NRXN3: variants seen among roughly 807,000 people sequenced by gnomAD.
NRXN3 encodes neurexin 3.
In NRXN3, 32 loss-of-function variants were observed where a neutral mutation model predicts 137.6. That is an observed-to-expected ratio of 0.23 (90% confidence interval 0.18 to 0.31). The LOEUF (loss-of-function observed/expected upper bound fraction) is 0.31. Among genes scored for constraint, NRXN3 ranks in the 10% least tolerant of loss-of-function variants. NRXN3 has a pLI of 1.00. For missense variants in NRXN3, 1,574 were observed against 2,062.5 expected (o/e 0.76, Z 4.59); for synonymous variants, 798 against 784.5 (o/e 1.02, Z -0.29).
intron 16 of NRXN3, among the ~76,000 whole-genome samples, chr14:79,482,067 G>A (rs985614799): frequency 5.3e-5 from 8 of 152,264 alleles, no homozygotes; most frequent in Non-Finnish European, 8.8e-5. Context: ...TGTGACCTCC[G>A]GAATAATGGT....
intron 15 of NRXN3, among the ~76,000 whole-genome samples, chr14:79,006,734 A>T (rs1251418387): frequency 6.6e-6 from 1 of 152,148 alleles, no homozygotes. Context: ...TATCATATTT[A>T]TTCTATGATT....
At chr14:78,849,522 A>G (rs1768622750) in intron 10 of NRXN3, among the ~76,000 whole-genome samples, 1 of 152,148 alleles carries the variant, frequency 6.6e-6, no homozygotes. Context: ...ATGTCCCACA[A>G]GAGCTAACTG....
At chr14:78,275,815 G>T (rs1172801450) in intron 2 of NRXN3, among the ~76,000 whole-genome samples, 1 of 152,166 alleles carries the variant, frequency 6.6e-6, no homozygotes, top group African/African-American at 2.4e-5. Flanking sequence ...CTGGAAAACA[G>T]CTGAGGACTG....
chr14:78,996,966 G>T (rs534172152), intron 15 of NRXN3, among the ~76,000 whole-genome samples: 16 of 152,286 alleles, frequency 1.1e-4, no homozygotes, highest in African/African-American at 3.6e-4. Flanking sequence ...GATGTGGGTT[G>T]TAGCTTGTTG....
chr14:79,863,374 GAC>G lies in NRXN3; in HGVS notation c.*1414_*1415del, dbSNP rs1470084921. On this transcript the variant is annotated 3_prime_UTR_variant, in exon 21 of 21. Coordinates refer to ENST00000335750, the MANE Select transcript of NRXN3 (RefSeq NM_001330195.2). Reference sequence around the variant, plus strand: ...TCATGGTATGTTTGATGGGATGACTGACACAGGAAATCTGTTAAAGTCTTAAA... The same window carrying G: ...TCATGGTATGTTTGATGGGATGACTGACAGGAAATCTGTTAAAGTCTTAAA... 1 of 151,464 alleles carries G rather than the reference GAC, an allele frequency of 6.6e-6. No homozygotes were observed. Among genetic ancestry groups the G allele is most frequent in the African/African-American group, 2.4e-5 (1 of 41,226 alleles). The allele number at this position is 151,464 out of a possible 1,614,324, so 9.4% of individuals were successfully genotyped here. A position where few individuals can be genotyped will look rare whatever the true frequency, so the allele number is the denominator to read the frequency against.
chr14:79,640,885 T>C lies in NRXN3; in HGVS notation c.3445-22893T>C, dbSNP rs895141415. Among the ~76,000 whole-genome samples, 5 of 136,090 alleles carry C rather than the reference T, an allele frequency of 3.7e-5. 1 individual carries two copies. Among genetic ancestry groups the C allele is most frequent in the South Asian group, 4.6e-4 (2 of 4,366 alleles). The allele number at this position is 136,090 out of a possible 152,430, so 89.3% of individuals were successfully genotyped here. On this transcript the variant is annotated intron_variant, in intron 16 of 20. Transcript: ENST00000335750. ...GTCTTAAATGGAAAGAATACTTCCA[T>C]GGTCTAGTTTCTAGAGAACACTACC...
At chr14:79,734,452 G>A (rs1350397461) in intron 19 of NRXN3, among the ~76,000 whole-genome samples, 1 of 152,094 alleles carries the variant, frequency 6.6e-6, no homozygotes, top group East Asian at 1.9e-4. Context: ...CGTGATACAC[G>A]TTACTTTTTG....
At chr14:78,993,145 G>A (rs1321675416) in intron 15 of NRXN3, among the ~76,000 whole-genome samples, 1 of 152,164 alleles carries the variant, frequency 6.6e-6, no homozygotes, top group Non-Finnish European at 1.5e-5. Flanking sequence ...TGCAGGAGTG[G>A]CTATTAAGCT....
intron 10 of NRXN3, among the ~76,000 whole-genome samples, chr14:78,857,264 T>C (rs979245883): frequency 1.3e-5 from 2 of 152,114 alleles, no homozygotes; most frequent in African/African-American, 4.8e-5. Context: ...TAGATTTCCT[T>C]CCTTTTCAAC....
chr14:79,676,734 CT>C (rs1205456339), intron 17 of NRXN3, among the ~76,000 whole-genome samples: 1 of 151,874 alleles, frequency 6.6e-6, no homozygotes, highest in African/African-American at 2.4e-5. Context: ...TAAATATATA[CT>C]TTTTTTAAAA....
At chr14:78,212,980 G>T in intron 1 of NRXN3, among the ~76,000 whole-genome samples, 1 of 152,168 alleles carries the variant, frequency 6.6e-6, no homozygotes, top group East Asian at 1.9e-4. Flanking sequence ...CCTTTTGTTA[G>T]ACCCACTTAG....
chr14:78,624,002 G>C (rs1348362928), intron 4 of NRXN3, among the ~76,000 whole-genome samples: 3 of 152,176 alleles, frequency 2.0e-5, no homozygotes, highest in South Asian at 2.1e-4. Context: ...TAGAAATAAG[G>C]CTCCTGGTTA....
At chr14:79,386,571 T>A (rs966049056) in intron 15 of NRXN3, among the ~76,000 whole-genome samples, 2 of 152,198 alleles carry the variant, frequency 1.3e-5, no homozygotes, top group African/African-American at 4.8e-5. Flanking sequence ...AAGCTACCAA[T>A]GACTTTCTTC....
At chr14:79,715,481 C>G (rs1180715146) in intron 19 of NRXN3, among the ~76,000 whole-genome samples, 1 of 152,090 alleles carries the variant, frequency 6.6e-6, no homozygotes, top group Non-Finnish European at 1.5e-5. Context: ...AAGCCAGGGG[C>G]CTTTGTAGCC....
At chr14:79,757,580 A>G (rs2099024060) in intron 19 of NRXN3, among the ~76,000 whole-genome samples, 1 of 152,176 alleles carries the variant, frequency 6.6e-6, no homozygotes, top group South Asian at 2.1e-4. Context: ...TGTATCAGCA[A>G]TTTCAAAATT....
chr14:78,183,957 A>G (rs1187471650), intron 1 of NRXN3, among the ~76,000 whole-genome samples: 1 of 152,200 alleles, frequency 6.6e-6, no homozygotes, highest in Admixed American at 6.5e-5. Context: ...AGTTTGGATG[A>G]CAGTCACTTT....
chr14:78,394,606 T>G (rs951149825), intron 4 of NRXN3, among the ~76,000 whole-genome samples: 3 of 151,864 alleles, frequency 2.0e-5, no homozygotes, highest in African/African-American at 7.2e-5. Context: ...AGTATCTCCC[T>G]TTTCTCTATT....
chr14:79,230,534 A>G (rs531935352), intron 15 of NRXN3, among the ~76,000 whole-genome samples: 21 of 152,314 alleles, frequency 1.4e-4, no homozygotes, highest in Admixed American at 6.5e-4. Flanking sequence ...ACAGGTTGAA[A>G]CAAACCTTCT....
chr14:79,161,980 G>A (rs747466841), intron 15 of NRXN3, among the ~76,000 whole-genome samples: 2 of 151,808 alleles, frequency 1.3e-5, no homozygotes, highest in Non-Finnish European at 2.9e-5. Flanking sequence ...TCTAAGCTGC[G>A]GGTTCAGGTA....
Sources: allele counts gnomAD v4.1 joint callset (sites outside exome capture counted in the v4.1 genomes callset), GRCh38; gene constraint gnomAD v4.1.1; transcripts MANE v1.5; gene names NCBI Gene and HGNC (gene_info 2026-07-23, HGNC 2026-07-21).